FBXL18: variants seen among roughly 807,000 people sequenced by gnomAD.
FBXL18 encodes F-box and leucine rich repeat protein 18, also known as F-box/LRR-repeat protein 18.
A neutral mutation model predicts 46.0 loss-of-function variants in FBXL18; 36 were observed. The observed-to-expected ratio is 0.78, with a 90% confidence interval of 0.60 to 1.03. The LOEUF is 1.03. Ranked by LOEUF, FBXL18 falls within the 50% of genes least tolerant of loss-of-function variation. The probability of loss-of-function intolerance (pLI) is 0.00; values close to 1 mark genes in which losing one functional copy is unlikely to be tolerated. For missense variants in FBXL18, 977 were observed against 1,004.1 expected (o/e 0.97, Z 0.36); for synonymous variants, 557 against 465.3 (o/e 1.20, Z -2.54).
intron 3 of FBXL18, among the ~76,000 whole-genome samples, chr7:5,500,090 A>C (rs1174689866): frequency 1.6e-4 from 4 of 25,450 alleles, no homozygotes; most frequent in Non-Finnish European, 2.6e-4. Context: ...AATAAAATTT[A>C]AATTAAAAAA....
At chr7:5,466,155 G>T (rs1345981770) in intron 4 of FBXL18, among the ~76,000 whole-genome samples, 1 of 134,738 alleles carries the variant, frequency 7.4e-6, no homozygotes, top group African/African-American at 2.8e-5. Flanking sequence ...TCTGGTAAAA[G>T]ACATCAGAGA....
In FBXL18 at chr7:5,470,016, C is replaced by T. The variant is rs531345433; in HGVS notation, c.2000+21215G>A. 5.3e-5 allele frequency among the ~76,000 whole-genome samples: 8 copies of T among 152,152 alleles called. No homozygotes were observed. The East Asian group carries it at 5.8e-4, about 11-fold the overall frequency. ...AGTGTCTGAAGTGTACGGGTATGAA[C>T]GGGCGTGGGCGTGGGGCCGTTGGAC... On this transcript the variant is annotated intron_variant and NMD_transcript_variant, in intron 4 of 6. Coordinates refer to the FBXL18 transcript ENST00000415009.
At chr7:5,466,169 T>TAA (rs995026212) in intron 4 of FBXL18, among the ~76,000 whole-genome samples, 2 of 123,616 alleles carry the variant, frequency 1.6e-5, no homozygotes, top group African/African-American at 6.0e-5. Flanking sequence ...TCAGAGAATT[T>TAA]AAAAAAAAAA....
intron 4 of FBXL18, among the ~76,000 whole-genome samples, chr7:5,459,840 G>A (rs1783219638): frequency 6.6e-6 from 1 of 152,150 alleles, no homozygotes; most frequent in Non-Finnish European, 1.5e-5. Context: ...TTGGGCCCAG[G>A]AGGCAGAGGC....
At chr7:5,511,846 G>A (rs1419694961) in intron 1 of FBXL18, among the ~76,000 whole-genome samples, 2 of 151,692 alleles carry the variant, frequency 1.3e-5, no homozygotes, top group African/African-American at 4.8e-5. Context: ...TGGGCTGGGC[G>A]CAGGGGCTCA....
rs367804446 is a variant in FBXL18 at position 5,481,901 on chromosome 7, G to C, written c.2031C>G (p.Val677=). The C allele has an allele frequency of 6.2e-7, 1 of 1,612,386 alleles. No individual in the cohort carries two copies. The highest frequency in any genetic ancestry group is 1.3e-5 in the African/African-American group (1 of 74,992). ...SFQAERPALN[V]VIFPLLHEGL... ...CCTCGTGGAGCAGAGGGAAGATGAC[G>C]ACGTTTAACGCGGGCCGCTCGGCCT... Residue 677 remains valine, a synonymous_variant, in exon 5 of 5, where the codon GTC becomes GTG. Coordinates refer to ENST00000382368, the MANE Select transcript of FBXL18 (RefSeq NM_024963.6).
intron 3 of FBXL18, among the ~76,000 whole-genome samples, chr7:5,498,085 T>C (rs1228143419): frequency 6.7e-6 from 1 of 148,504 alleles, no homozygotes; most frequent in Non-Finnish European, 1.5e-5. Flanking sequence ...TTTTACTTTT[T>C]TTTTTTTTTT....
chr7:5,484,328 G>A (rs574169351), intron 4 of FBXL18, among the ~76,000 whole-genome samples: 6 of 152,170 alleles, frequency 3.9e-5, no homozygotes, highest in Admixed American at 6.5e-5. Context: ...AAAATTAGCC[G>A]GGCGTGGTGG....
At chr7:5,500,020 G>A (rs1231122473) in intron 3 of FBXL18, among the ~76,000 whole-genome samples, 4 of 151,590 alleles carry the variant, frequency 2.6e-5, no homozygotes, top group Non-Finnish European at 4.4e-5. Flanking sequence ...AGCTATGATG[G>A]CACCACTGCA....
intron 4 of FBXL18, among the ~76,000 whole-genome samples, chr7:5,462,598 C>G (rs906044808): frequency 8.5e-5 from 13 of 152,062 alleles, no homozygotes; most frequent in African/African-American, 3.1e-4. Flanking sequence ...AATGCTTGCT[C>G]TCAGGAATCT....
chr7:5,472,742 G>A (rs1218701987), downstream of FBXL18, among the ~76,000 whole-genome samples: 1 of 152,118 alleles, frequency 6.6e-6, no homozygotes, highest in East Asian at 1.9e-4. Context: ...TCACTGTGGT[G>A]GAGGCTCCAG....
rs370608421 is a variant in FBXL18, at chr7:5,467,789, A to G, written c.2001-19946T>C. On this transcript the variant is annotated intron_variant and NMD_transcript_variant, in intron 4 of 6. Coordinates refer to the FBXL18 transcript ENST00000415009. ...TAAAGAAACAATCCTAAAGATAGAG[A>G]AACAGCAGCCTAAGGAGATGGGAGC... is the stretch of plus-strand genomic sequence containing the variant. Among the ~76,000 whole-genome samples the G allele has an allele frequency of 3.2e-4, 49 of 152,258 alleles. No homozygotes were observed. The East Asian group carries it at 9.1e-3, about 28-fold the overall frequency.
At chr7:5,469,424 T>A (rs186829109) in intron 4 of FBXL18, among the ~76,000 whole-genome samples, 559 of 152,192 alleles carry the variant, frequency 3.7e-3, no homozygotes, top group South Asian at 8.9e-3. Flanking sequence ...AAAATTTTTT[T>A]AAAAGAATGT....
At chr7:5,470,139 G>C (rs958128392) in intron 4 of FBXL18, among the ~76,000 whole-genome samples, 2 of 152,074 alleles carry the variant, frequency 1.3e-5, no homozygotes, top group African/African-American at 4.8e-5. Context: ...GATCAGCCTC[G>C]GGCAGTGACG....
In FBXL18 at chr7:5,481,368, G is replaced by C. The variant is rs1015996311; in HGVS notation, c.*407C>G. 1 of 169,806 alleles carries C rather than the reference G, an allele frequency of 5.9e-6. No individual in the cohort carries two copies. Among genetic ancestry groups the C allele is most frequent in the Non-Finnish European group, 1.3e-5 (1 of 77,590 alleles). 10.5% of individuals were successfully genotyped at this position (169,806 alleles called of 1,614,324 possible). On this transcript the variant is annotated 3_prime_UTR_variant, in exon 5 of 5. Coordinates refer to ENST00000382368, the MANE Select transcript of FBXL18 (RefSeq NM_024963.6). ...GTGGCCGCCCATCCACGGGGCCCCG[G>C]TGGCAGGTGACCACAAACACAACAG...
Position 5,455,919 on chromosome 7 carries a change from G to C in FBXL18, c.2001-8076C>G, listed in dbSNP as rs370261721. Among the ~76,000 whole-genome samples, 111 of 152,204 alleles carry C rather than the reference G, an allele frequency of 7.3e-4. No homozygotes were observed. Among genetic ancestry groups the C allele is most frequent in the South Asian group, 6.6e-3 (32 of 4,826 alleles). ...CGGGACTCTCTCATGGGCCGTGCTG[G>C]CTCCAGCATCGCAGTCTAACAGCTC... On this transcript the variant is annotated intron_variant and NMD_transcript_variant, in intron 4 of 6. Transcript: ENST00000415009. This position sits in a 1 kb window ranked among gnomAD's most constrained non-coding sequence, Gnocchi z 4.6.
chr7:5,468,108 G>A (rs774219895), intron 4 of FBXL18, among the ~76,000 whole-genome samples: 30 of 151,610 alleles, frequency 2.0e-4, no homozygotes, highest in Admixed American at 3.3e-4. Context: ...TCAGTCTCCC[G>A]AGTAGCTGGG....
chr7:5,468,910 C>A (rs548731296), intron 4 of FBXL18, among the ~76,000 whole-genome samples: 30 of 152,242 alleles, frequency 2.0e-4, no homozygotes, highest in African/African-American at 6.0e-4. Context: ...CCTAAGTTCA[C>A]CTCTAATCAA....
intron 2 of FBXL18, among the ~76,000 whole-genome samples, chr7:5,504,915 CAAAAAAAAAAAAAAAAAAAAAA>C (rs59985346): frequency 7.6e-4 from 23 of 30,068 alleles, no homozygotes; most frequent in South Asian, 2.1e-3. Flanking sequence ...GACTCCATCT[CAAAAAAAAAAAAAAAAAAAAAA>C]AAAAAAAAAA....
Sources: allele counts gnomAD v4.1 joint callset (sites outside exome capture counted in the v4.1 genomes callset), GRCh38; gene constraint gnomAD v4.1.1; non-coding constraint Gnocchi (gnomAD v3.1); transcripts MANE v1.5; gene names NCBI Gene and HGNC (gene_info 2026-07-23, HGNC 2026-07-21).